RUNX2: variants seen among roughly 807,000 people sequenced by gnomAD.
The protein encoded by RUNX2 is runt-related transcription factor 2.
Under a neutral mutation model 51.7 loss-of-function variants are expected in RUNX2, and 10 were observed. The observed-to-expected ratio is 0.19, with a 90% confidence interval of 0.12 to 0.33. The LOEUF is 0.33. RUNX2 is among the 10% of genes least tolerant of loss of function. The pLI is 1.00. For missense variants in RUNX2, 562 were observed against 691.3 expected (o/e 0.81, Z 2.10); for synonymous variants, 276 against 273.6 (o/e 1.01, Z -0.09).
At position 45,328,333 on chromosome 6, in the gene RUNX2, C is replaced by T. The variant is rs79058520; in HGVS notation, c.-194C>T. The T allele has an allele frequency of 5.5e-5, 76 of 1,374,288 alleles. 1 individual carries two copies. Among genetic ancestry groups the T allele is most frequent in the African/African-American group, 2.8e-4 (19 of 68,012 alleles). 85.1% of individuals were successfully genotyped at this position (1,374,288 alleles called of 1,614,324 possible). On this transcript the variant is annotated 5_prime_UTR_variant, in exon 1 of 9. Coordinates refer to ENST00000647337, the MANE Select transcript of RUNX2 (RefSeq NM_001024630.4). ...TTTTGGATTGTGTGAATGCTTCATT[C>T]GCCTCACAAACAACCACAGAACCAC...
At chr6:45,404,998 C>A (rs1797802188) in intron 2 of RUNX2, among the ~76,000 whole-genome samples, 1 of 152,264 alleles carries the variant, frequency 6.6e-6, no homozygotes, top group Non-Finnish European at 1.5e-5. Context: ...TCTACAGTTT[C>A]TCTTCACAGT....
intron 5 of RUNX2, among the ~76,000 whole-genome samples, chr6:45,461,006 C>T (rs1350067364): frequency 2.0e-5 from 3 of 152,010 alleles, no homozygotes; most frequent in African/African-American, 7.3e-5. Context: ...AAATTAGGTC[C>T]TGAAGAAAAT....
intron 6 of RUNX2, among the ~76,000 whole-genome samples, chr6:45,509,721 G>T (rs967605266): frequency 6.6e-6 from 1 of 152,188 alleles, no homozygotes; most frequent in Admixed American, 6.5e-5. Flanking sequence ...GTACTGAGCC[G>T]CCTTTCTGCA....
chr6:45,344,882 A>T (rs1374723152), intron 2 of RUNX2, among the ~76,000 whole-genome samples: 1 of 152,208 alleles, frequency 6.6e-6, no homozygotes, highest in Non-Finnish European at 1.5e-5. Flanking sequence ...CAGAATTTTT[A>T]AATCCCTGAA....
chr6:45,518,512 A>T (rs1801401374), intron 7 of RUNX2, among the ~76,000 whole-genome samples: 1 of 152,100 alleles, frequency 6.6e-6, no homozygotes, highest in Admixed American at 6.5e-5. Flanking sequence ...CTACTAGATC[A>T]GTTGGAGATA....
At chr6:45,469,043 C>T (rs1799721720) in intron 5 of RUNX2, among the ~76,000 whole-genome samples, 1 of 152,190 alleles carries the variant, frequency 6.6e-6, no homozygotes, top group Non-Finnish European at 1.5e-5. Context: ...AATTTTATCT[C>T]TTTAGCTTGA....
chr6:45,401,168 C>A (rs1797707575), intron 2 of RUNX2, among the ~76,000 whole-genome samples: 1 of 152,174 alleles, frequency 6.6e-6, no homozygotes, highest in Non-Finnish European at 1.5e-5. Flanking sequence ...TCTGGATTAT[C>A]TTCCAGTGGG....
chr6:45,483,459 T>C (rs1383294374), intron 5 of RUNX2, among the ~76,000 whole-genome samples: 3 of 152,192 alleles, frequency 2.0e-5, no homozygotes, highest in Non-Finnish European at 4.4e-5. Context: ...GTGTGACTTC[T>C]CTGTACCTAG....
At position 45,422,859 on chromosome 6, in the gene RUNX2, C is replaced by A. The variant is rs1490639289; in HGVS notation, c.325C>A (p.His109Asn). The A allele has an allele frequency of 1.2e-6, 2 of 1,611,838 alleles. No individual in the cohort carries two copies. The highest frequency in any genetic ancestry group is 2.2e-5 in the South Asian group (2 of 91,054). Residue 109 changes from histidine (H) to asparagine (N), a missense_variant, in exon 3 of 9, where the codon CAC becomes AAC. Physicochemically the swap from His to Asn is moderately conservative, Grantham distance 68. Coordinates refer to ENST00000647337, the MANE Select transcript of RUNX2 (RefSeq NM_001024630.4). ...CACCATGGTGGAGATCATCGCCGAC[C>A]ACCCGGCCGAACTCGTCCGCACCGA... ...NRTMVEIIAD[H>N]PAELVRTDSP...
At chr6:45,436,977 C>T (rs1220162101) in intron 4 of RUNX2, among the ~76,000 whole-genome samples, 2 of 152,212 alleles carry the variant, frequency 1.3e-5, no homozygotes, top group Admixed American at 6.5e-5. Context: ...TCACGCCCAC[C>T]TCTTCCTGTC....
intron 2 of RUNX2, among the ~76,000 whole-genome samples, chr6:45,384,652 G>T (rs2150343947): frequency 6.9e-6 from 1 of 144,416 alleles, no homozygotes; most frequent in East Asian, 2.1e-4. Flanking sequence ...TAATGTGTTA[G>T]ACATAGTACT....
At chr6:45,433,754 T>C (rs1028211680) in intron 4 of RUNX2, among the ~76,000 whole-genome samples, 1 of 152,200 alleles carries the variant, frequency 6.6e-6, no homozygotes, top group Non-Finnish European at 1.5e-5. Flanking sequence ...TTTCTGAGTT[T>C]TGGCTGGTTT....
intron 5 of RUNX2, among the ~76,000 whole-genome samples, chr6:45,456,451 A>G (rs555353992): frequency 1.3e-5 from 2 of 152,296 alleles, no homozygotes; most frequent in South Asian, 4.1e-4. Context: ...ATTTTCTGAT[A>G]TGGTTGCCTG....
chr6:45,525,194 G>A (rs1801635189), intron 7 of RUNX2, among the ~76,000 whole-genome samples: 1 of 152,166 alleles, frequency 6.6e-6, no homozygotes, highest in African/African-American at 2.4e-5. Flanking sequence ...GAAAGTTAAA[G>A]TTGTTCTCTA....
intron 7 of RUNX2, among the ~76,000 whole-genome samples, chr6:45,542,009 G>C (rs1024719041): frequency 1.4e-4 from 22 of 152,126 alleles, no homozygotes; most frequent in African/African-American, 5.3e-4. Context: ...AGGCAAAGAA[G>C]TATCAGACAC....
At chr6:45,517,213 G>A (rs1051703357) in intron 7 of RUNX2, among the ~76,000 whole-genome samples, 13 of 151,984 alleles carry the variant, frequency 8.6e-5, no homozygotes, top group Admixed American at 2.6e-4. Flanking sequence ...ACAGGGTCTT[G>A]CTCTATTGCT....
intron 2 of RUNX2, among the ~76,000 whole-genome samples, chr6:45,399,819 T>TAAGGAAGG (rs201636835): frequency 7.0e-5 from 5 of 71,942 alleles, no homozygotes; most frequent in African/African-American, 1.8e-4. Context: ...GGGAGGGAAG[T>TAAGGAAGG]AAGGAAGGAA....
rs560397742 is a variant in RUNX2 at position 45,412,652 on chromosome 6, T to A, written c.59-9941T>A. Reference sequence around the variant, plus strand: ...GAATACTGGCCAAATAACCTTTTTTTAAAAAAACAGTTTTTTTCCTACTTT... The same window carrying A: ...GAATACTGGCCAAATAACCTTTTTTAAAAAAAACAGTTTTTTTCCTACTTT... On this transcript the variant is annotated intron_variant, in intron 2 of 8. Transcript: ENST00000647337. Among the ~76,000 whole-genome samples the A allele has an allele frequency of 2.8e-3, 426 of 150,988 alleles. 3 individuals carry two copies. The highest frequency in any genetic ancestry group is 9.4e-3 in the African/African-American group (386 of 41,206).
chr6:45,330,091 G>C (rs896721720), intron 2 of RUNX2, among the ~76,000 whole-genome samples: 4 of 151,562 alleles, frequency 2.6e-5, no homozygotes, highest in African/African-American at 9.7e-5. Context: ...TCTCTTACAG[G>C]GTGAGGAAAT....
Sources: allele counts gnomAD v4.1 joint callset (sites outside exome capture counted in the v4.1 genomes callset), GRCh38; gene constraint gnomAD v4.1.1; transcripts MANE v1.5; gene names NCBI Gene and HGNC (gene_info 2026-07-23, HGNC 2026-07-21).